The following CUL3 variants were observed in gnomAD, a reference collection of about 807,000 sequenced individuals.
CUL3 encodes cullin 3, also known as cullin-3.
Under a neutral mutation model 89.1 loss-of-function variants are expected in CUL3, and 19 were observed. The observed-to-expected ratio is 0.21, with a 90% confidence interval of 0.15 to 0.31. CUL3 has a LOEUF of 0.31. Among genes scored for constraint, CUL3 ranks in the 10% least tolerant of loss-of-function variants. CUL3 has a pLI of 1.00. For missense variants in CUL3, 469 were observed against 942.3 expected, an observed-to-expected ratio of 0.50 and a Z score of 6.58; for synonymous variants, 351 against 308.4, an observed-to-expected ratio of 1.14 and a Z score of -1.45.
intron 3 of CUL3, 65 bp downstream of exon 3, chr2:224,535,463 C>A: frequency 1.8e-6 from 2 of 1,138,956 alleles, no homozygotes; most frequent in Non-Finnish European, 1.2e-6. Flanking sequence ...AGCCACCGTG[C>A]CCAGCCTTCA....
intron 8 of CUL3, among the ~76,000 whole-genome samples, chr2:224,505,383 C>G (rs1469155932): frequency 6.6e-6 from 1 of 152,092 alleles, no homozygotes; most frequent in African/African-American, 2.4e-5. Flanking sequence ...GTGGTCTGCC[C>G]ACCTCGGCCT....
chr2:224,470,511 C>T lies in CUL3; in HGVS notation c.*3734G>A, dbSNP rs899861706. The T allele has an allele frequency of 8.7e-6, 2 of 231,124 alleles. No homozygotes were observed. The highest frequency in any genetic ancestry group is 5.6e-5 in the Admixed American group (1 of 17,710). 14.3% of individuals were successfully genotyped at this position (231,124 alleles called of 1,614,324 possible). Reference sequence around the variant, plus strand: ...TGTTAAATTTATCTGCCATTCTTAACGTCTCTTCTTCCTTCTGGCTAATTT... The same window carrying T: ...TGTTAAATTTATCTGCCATTCTTAATGTCTCTTCTTCCTTCTGGCTAATTT... On this transcript the variant is annotated 3_prime_UTR_variant, in exon 16 of 16. Transcript: ENST00000264414.
chr2:224,505,863 C>G (rs1365050230), intron 8 of CUL3, 93 bp downstream of exon 8: 2 of 861,622 alleles, frequency 2.3e-6, no homozygotes, highest in East Asian at 5.8e-5. Flanking sequence ...ATGGGTCATG[C>G]TTAATTTTTA....
chr2:224,529,202 T>C (rs529884797), intron 3 of CUL3, among the ~76,000 whole-genome samples: 19 of 152,266 alleles, frequency 1.2e-4, no homozygotes, highest in African/African-American at 4.1e-4. Context: ...TATAACAAAT[T>C]TTCTGTAATG....
chr2:224,525,377 A>C (rs1280694582), intron 3 of CUL3, among the ~76,000 whole-genome samples: 1 of 152,210 alleles, frequency 6.6e-6, no homozygotes, highest in Non-Finnish European at 1.5e-5. Context: ...TTGGCGGGTT[A>C]ATCTCTCTAA....
At chr2:224,529,884 G>T (rs1012433331) in intron 3 of CUL3, among the ~76,000 whole-genome samples, 1 of 152,130 alleles carries the variant, frequency 6.6e-6, no homozygotes, top group African/African-American at 2.4e-5. Context: ...ATTTTCAAGA[G>T]GCAGTGTGTC....
chr2:224,567,277 G>A (rs1048417320), intron 1 of CUL3, among the ~76,000 whole-genome samples: 5 of 152,206 alleles, frequency 3.3e-5, no homozygotes, highest in African/African-American at 7.2e-5. Context: ...GAGTGCAGAG[G>A]TGCAATCATA....
chr2:224,478,590 A>G (rs1691413462), intron 14 of CUL3: 1 of 343,210 alleles, frequency 2.9e-6, no homozygotes, highest in Admixed American at 4.4e-5. Context: ...TATGCAGAAT[A>G]TAATTTCTTA....
intron 3 of CUL3, 77 bp downstream of exon 3, chr2:224,535,451 T>G: frequency 1.0e-6 from 1 of 969,786 alleles, no homozygotes; most frequent in Non-Finnish European, 1.5e-6. Context: ...ATTACAGGCG[T>G]GAGCCACCGT....
At chr2:224,495,782 G>C (rs2106179186) in intron 13 of CUL3, 50 bp downstream of exon 13, 2 of 1,491,208 alleles carry the variant, frequency 1.3e-6, no homozygotes, top group East Asian at 4.6e-5. Flanking sequence ...CAAGTAACAA[G>C]TGAGAGTTAG....
chr2:224,553,096 T>C (rs1351524785), intron 2 of CUL3, among the ~76,000 whole-genome samples: 1 of 152,050 alleles, frequency 6.6e-6, no homozygotes, highest in Non-Finnish European at 1.5e-5. Flanking sequence ...ATGTCAGAGG[T>C]CCTACCTTAG....
At chr2:224,492,112 G>T (rs1254530132) in intron 13 of CUL3, among the ~76,000 whole-genome samples, 3 of 152,002 alleles carry the variant, frequency 2.0e-5, no homozygotes, top group Non-Finnish European at 2.9e-5. Flanking sequence ...CTCAGTTTTA[G>T]CAAAAAAATT....
chr2:224,557,962 A>C, intron 1 of CUL3, 106 bp from the exon 2 acceptor site: 1 of 628,852 alleles, frequency 1.6e-6, no homozygotes, highest in Non-Finnish European at 2.7e-6. Context: ...TGTATTATAT[A>C]GATATGATTA....
At chr2:224,490,773 G>A (rs940318) in intron 13 of CUL3, among the ~76,000 whole-genome samples, 28,010 of 151,090 alleles carry the variant, frequency 0.19, 2,932 homozygotes, top group South Asian at 0.27. Context: ...TTTGCTTCTG[G>A]ACTCCCTTTT....
rs189195844 is a variant in CUL3 at position 224,482,599 on chromosome 2, A to C, written c.1843-521T>G. 9.9e-5 allele frequency among the ~76,000 whole-genome samples: 15 copies of C among 152,148 alleles called. No homozygotes were observed. The East Asian group carries it at 1.3e-3, about 14-fold the overall frequency. On this transcript the variant is annotated intron_variant, in intron 13 of 15. Coordinates refer to ENST00000264414, the MANE Select transcript of CUL3 (RefSeq NM_003590.5). ...TATGACCAAATGAAGAAAAAAAAAA[A>C]CCTGGAATTACATTAAACATAAATA... is the stretch of plus-strand genomic sequence containing the variant.
chr2:224,500,799 T>C (rs986866908), intron 10 of CUL3, among the ~76,000 whole-genome samples: 4 of 151,976 alleles, frequency 2.6e-5, no homozygotes, highest in Non-Finnish European at 5.9e-5. Flanking sequence ...TGATTTTGTA[T>C]TTTTAGTAGA....
chr2:224,541,107 A>C (rs1694086525), intron 2 of CUL3, among the ~76,000 whole-genome samples: 2 of 152,328 alleles, frequency 1.3e-5, no homozygotes, highest in South Asian at 4.1e-4. Flanking sequence ...AAAAAATGCT[A>C]AACTGGACTC....
chr2:224,563,908 T>C (rs1229859742), intron 1 of CUL3, among the ~76,000 whole-genome samples: 1 of 152,056 alleles, frequency 6.6e-6, no homozygotes. Context: ...AGCAATAAAG[T>C]GCTTCCTTTA....
At chr2:224,482,742 A>G (rs1691579811) in intron 13 of CUL3, among the ~76,000 whole-genome samples, 1 of 152,184 alleles carries the variant, frequency 6.6e-6, no homozygotes, top group Non-Finnish European at 1.5e-5. Context: ...TCAGGAAAGA[A>G]TGCTGTGTAA....
Sources: allele counts gnomAD v4.1 joint callset (sites outside exome capture counted in the v4.1 genomes callset), GRCh38; gene constraint gnomAD v4.1.1; transcripts MANE v1.5; gene names NCBI Gene and HGNC (gene_info 2026-07-23, HGNC 2026-07-21).